AMBRA1: variants seen among roughly 807,000 people sequenced by gnomAD.
The protein encoded by AMBRA1 is activating molecule in BECN1-regulated autophagy protein 1.
In AMBRA1, 47 loss-of-function variants were observed where a neutral mutation model predicts 125.4. The ratio of observed to expected loss-of-function variants is 0.37; its 90% CI spans 0.30 to 0.48. AMBRA1 has a LOEUF of 0.48. Among genes scored for constraint, AMBRA1 ranks in the 20% least tolerant of loss-of-function variants. AMBRA1 has a pLI of 0.99. For missense variants in AMBRA1, 1,331 were observed against 1,693.4 expected (o/e 0.79, Z 3.76); for synonymous variants, 626 against 655.5 (o/e 0.95, Z 0.69).
intron 16 of AMBRA1, among the ~76,000 whole-genome samples, chr11:46,409,863 T>C (rs1946201334): frequency 6.6e-6 from 1 of 152,266 alleles, no homozygotes; most frequent in South Asian, 2.1e-4. Context: ...ACCAGATTTC[T>C]ACTAATGGGT....
At chr11:46,469,300 T>C (rs1009465803) in intron 11 of AMBRA1, among the ~76,000 whole-genome samples, 4 of 152,186 alleles carry the variant, frequency 2.6e-5, no homozygotes, top group Admixed American at 6.5e-5. Flanking sequence ...AATGAAATCA[T>C]TGTTTTTATA....
chr11:46,456,644 T>C (rs1482992898), intron 11 of AMBRA1, among the ~76,000 whole-genome samples: 2 of 152,228 alleles, frequency 1.3e-5, no homozygotes, highest in Admixed American at 6.5e-5. Flanking sequence ...GCAGCTTTTA[T>C]TGTTTGGTGG....
At chr11:46,570,754 C>T (rs1400760360) in intron 1 of AMBRA1, among the ~76,000 whole-genome samples, 2 of 151,964 alleles carry the variant, frequency 1.3e-5, no homozygotes, top group East Asian at 3.9e-4. Context: ...TAACACATGA[C>T]AACAGAAAAA....
At chr11:46,514,130 C>T (rs912494356) in intron 7 of AMBRA1, among the ~76,000 whole-genome samples, 1 of 152,202 alleles carries the variant, frequency 6.6e-6, no homozygotes, top group Non-Finnish European at 1.5e-5. Flanking sequence ...CTGCCAGACT[C>T]TTCTTTAAAG....
At position 46,487,527 on chromosome 11, in the gene AMBRA1, T is replaced by C. The variant is rs11827944; in HGVS notation, c.2521+6081A>G. Among the ~76,000 whole-genome samples the C allele has an allele frequency of 3.4e-3, 516 of 152,166 alleles. 3 individuals carry two copies. Among genetic ancestry groups the C allele is most frequent in the African/African-American group, 0.012 (503 of 41,524 alleles). On this transcript the variant is annotated intron_variant, in intron 11 of 17. Transcript: ENST00000683756. The stretch of plus-strand genomic sequence containing the variant: ...CACATTGTTGGGTTTGTAATACATA[T>C]AGATGTAATATTAATATATATATAA...
chr11:46,536,323 C>T (rs1952475740), intron 7 of AMBRA1, among the ~76,000 whole-genome samples: 1 of 151,966 alleles, frequency 6.6e-6, no homozygotes, highest in Non-Finnish European at 1.5e-5. Context: ...GTCATGGGTG[C>T]AATATCACAA....
At chr11:46,568,791 C>G (rs1419459704) in intron 1 of AMBRA1, among the ~76,000 whole-genome samples, 1 of 148,502 alleles carries the variant, frequency 6.7e-6, no homozygotes, top group Non-Finnish European at 1.5e-5. Context: ...AAAAAGGAAC[C>G]CTCAACCCTA....
chr11:46,483,121 T>C (rs773314579), intron 11 of AMBRA1, among the ~76,000 whole-genome samples: 8 of 152,166 alleles, frequency 5.3e-5, no homozygotes, highest in Non-Finnish European at 1.0e-4. Context: ...GGGCTCCTTC[T>C]TCATGGCACA....
In AMBRA1 at chr11:46,410,349, C is replaced by T; in HGVS notation, c.3136G>A (p.Glu1046Lys). ...TCGTTCAGCTGGTCCCAGTAGTACT[C>T]AACACCAGAGTTTAAGGCCCTAAAA... ...CRPEALNSGV[E>K]YYWDQLNETV... Residue 1046 changes from glutamate to lysine, a missense_variant, in exon 16 of 18, where the codon GAG (glutamate) becomes AAG (lysine). Physicochemically the swap from Glu to Lys is moderately conservative, Grantham distance 56. Around this residue, in one of 4 missense-constraint regions of AMBRA1, gnomAD observed 354 missense variants for 532.7 expected, o/e 0.66. Transcript: ENST00000683756. 2 of 1,613,930 alleles carry T rather than the reference C, an allele frequency of 1.2e-6. No homozygotes were observed. The highest frequency in any genetic ancestry group is 8.5e-7 in the Non-Finnish European group (1 of 1,179,898).
At chr11:46,402,096 G>A (rs899452768) in intron 17 of AMBRA1, among the ~76,000 whole-genome samples, 1 of 152,164 alleles carries the variant, frequency 6.6e-6, no homozygotes, top group Non-Finnish European at 1.5e-5. Context: ...CAGCTAGAAG[G>A]GGATGCTCCT....
intron 1 of AMBRA1, among the ~76,000 whole-genome samples, chr11:46,568,838 G>A: frequency 1.3e-5 from 1 of 76,254 alleles, no homozygotes; most frequent in South Asian, 4.5e-4. Context: ...AGACAGTCTT[G>A]TTCTGTTGCC....
rs59904013 is a variant in AMBRA1, at chr11:46,527,477, C to CAAAAAAAAAAAAAAAAAAAA, written c.2072+14448_2072+14467dup. Among the ~76,000 whole-genome samples, 22 of 25,940 alleles carry CAAAAAAAAAAAAAAAAAAAA rather than the reference C, an allele frequency of 8.5e-4. 3 individuals carry two copies. The highest frequency in any genetic ancestry group is 1.1e-3 in the Non-Finnish European group (19 of 16,764). 17.0% of individuals were successfully genotyped at this position (25,940 alleles called of 152,430 possible). ...CCTAGGTGACAAAGTGAGACTGTCT[C>CAAAAAAAAAAAAAAAAAAAA]AAAAAAAAAAAAAAAAAAAAAAAAA... On this transcript the variant is annotated intron_variant, in intron 7 of 17. Coordinates refer to ENST00000683756, the MANE Select transcript of AMBRA1 (RefSeq NM_001387011.1).
chr11:46,480,045 C>T (rs1949997035), intron 11 of AMBRA1, among the ~76,000 whole-genome samples: 1 of 152,186 alleles, frequency 6.6e-6, no homozygotes, highest in African/African-American at 2.4e-5. Flanking sequence ...TTCCCACTCG[C>T]TGCTAGCTGT....
chr11:46,580,819 C>A (rs1444097738), intron 1 of AMBRA1, among the ~76,000 whole-genome samples: 3 of 152,068 alleles, frequency 2.0e-5, no homozygotes, highest in Non-Finnish European at 4.4e-5. Context: ...GGAGACAGAG[C>A]CTTGCTCTGT....
At chr11:46,557,175 C>T (rs1339471361) in intron 1 of AMBRA1, among the ~76,000 whole-genome samples, 1 of 150,970 alleles carries the variant, frequency 6.6e-6, no homozygotes, top group African/African-American at 2.4e-5. Flanking sequence ...GTGACATGTG[C>T]CTGTAGTCCC....
chr11:46,577,785 TACTAA>T (rs1275544516), intron 1 of AMBRA1, among the ~76,000 whole-genome samples: 5 of 151,674 alleles, frequency 3.3e-5, no homozygotes, highest in African/African-American at 1.2e-4. Flanking sequence ...ACCCTGTCTC[TACTAA>T]AAGTACAAAA....
chr11:46,425,310 TTGTG>T (rs34321655), intron 14 of AMBRA1, among the ~76,000 whole-genome samples: 7,963 of 135,510 alleles, frequency 0.059, 245 homozygotes, highest in Middle Eastern at 0.13. Flanking sequence ...CTTGATCCAT[TTGTG>T]TGTGTGTGTG....
intron 1 of AMBRA1, among the ~76,000 whole-genome samples, chr11:46,551,052 G>A (rs1248855119): frequency 2.7e-5 from 4 of 146,510 alleles, no homozygotes; most frequent in East Asian, 2.0e-4. Flanking sequence ...AGCCAAGATC[G>A]CGCCACTGCA....
intron 11 of AMBRA1, among the ~76,000 whole-genome samples, chr11:46,490,763 T>C (rs1413511545): frequency 6.6e-6 from 1 of 152,068 alleles, no homozygotes; most frequent in Non-Finnish European, 1.5e-5. Context: ...CACCTAGACT[T>C]GGAGCTACAG....
Sources: gnomAD v4.1 joint callset for allele counts (sites outside exome capture counted in the v4.1 genomes callset) on GRCh38, gnomAD v4.1.1 for gene constraint, gnomAD v4.1.1 regional missense constraint, MANE v1.5 for transcripts, NCBI Gene and HGNC (gene_info 2026-07-23, HGNC 2026-07-21) for gene names.